Variants in KALRN observed in about 807,000 individuals in gnomAD.
The protein encoded by KALRN is kalirin RhoGEF kinase.
In KALRN, 70 loss-of-function variants were observed where a neutral mutation model predicts 353.7. That is an observed-to-expected ratio of 0.20 (90% CI 0.16 to 0.24). The LOEUF is 0.24. KALRN is among the 10% of genes least tolerant of loss of function. The pLI, the probability that KALRN is intolerant of heterozygous loss-of-function variation, is 1.00. For missense variants in KALRN, 2,791 were observed against 3,756.7 expected, an observed-to-expected ratio of 0.74 and a Z score of 6.72; for synonymous variants, 1,391 against 1,434.8, an observed-to-expected ratio of 0.97 and a Z score of 0.69.
At chr3:124,167,899 T>TA (rs756205956) in intron 1 of KALRN, among the ~76,000 whole-genome samples, 12 of 152,200 alleles carry the variant, frequency 7.9e-5, no homozygotes, top group Non-Finnish European at 1.8e-4. Flanking sequence ...ACAGAGCAGA[T>TA]ATGTGCATTT....
intron 1 of KALRN, among the ~76,000 whole-genome samples, chr3:124,040,974 C>G (rs1409359991): frequency 6.6e-6 from 1 of 152,130 alleles, no homozygotes. Context: ...GGTTTTGGGC[C>G]TTGGCTCTCT....
In KALRN at chr3:124,719,563, C is replaced by G. The variant is rs1294957144; in HGVS notation, c.*93C>G. On this transcript the variant is annotated 3_prime_UTR_variant, in exon 60 of 60. Coordinates refer to ENST00000682506, the MANE Select transcript of KALRN (RefSeq NM_001388419.1). The surrounding 1 kb of genome is among the most constrained non-coding windows in gnomAD (Gnocchi z 5.3). ...GTAAATAATTCTGTTCATCATTTCA[C>G]TCCGTGCAGTTCTCTGAATTGAGAG... is the stretch of plus-strand genomic sequence containing the variant. 6 of 1,213,942 alleles carry G rather than the reference C, an allele frequency of 4.9e-6. No homozygotes were observed. Among genetic ancestry groups the G allele is most frequent in the Non-Finnish European group, 6.9e-6 (6 of 866,840 alleles). The allele number at this position is 1,213,942 out of a possible 1,614,324, so 75.2% of individuals were successfully genotyped here. A position where few individuals can be genotyped will look rare whatever the true frequency, so the allele number is the denominator to read the frequency against.
At chr3:124,193,977 C>A (rs2075190768) in intron 1 of KALRN, among the ~76,000 whole-genome samples, 1 of 152,090 alleles carries the variant, frequency 6.6e-6, no homozygotes, top group Admixed American at 6.5e-5. Flanking sequence ...ATTCTGTACT[C>A]CAAAAAGAGT....
At chr3:124,540,694 C>A (rs1400524310) in intron 33 of KALRN, among the ~76,000 whole-genome samples, 1 of 152,178 alleles carries the variant, frequency 6.6e-6, no homozygotes, top group Non-Finnish European at 1.5e-5. Flanking sequence ...CATTTTCAGT[C>A]CAGAACTCTT....
intron 10 of KALRN, among the ~76,000 whole-genome samples, chr3:124,378,867 CTTTAT>C (rs1242604686): frequency 2.6e-5 from 4 of 151,434 alleles, no homozygotes; most frequent in Non-Finnish European, 5.9e-5. Context: ...TTTTTTGCCA[CTTTAT>C]TTTATTTTTA....
chr3:124,456,768 A>T (rs567066933), intron 23 of KALRN, 40 bp downstream of exon 23: 2 of 1,424,568 alleles, frequency 1.4e-6, no homozygotes, highest in African/African-American at 1.4e-5. Context: ...GCTCCCCGTG[A>T]CTATGCTGGG....
intron 9 of KALRN, among the ~76,000 whole-genome samples, chr3:124,338,390 T>G (rs1157409024): frequency 6.6e-6 from 1 of 152,228 alleles, no homozygotes; most frequent in Non-Finnish European, 1.5e-5. Flanking sequence ...AATTTCATTA[T>G]TTACCCAGTA....
At chr3:124,204,794 A>G (rs1272385718) in intron 1 of KALRN, among the ~76,000 whole-genome samples, 1 of 152,050 alleles carries the variant, frequency 6.6e-6, no homozygotes. Context: ...CTAAATCTCT[A>G]AGGTCTTTCT....
At chr3:124,123,275 C>A (rs2064249339) in intron 1 of KALRN, among the ~76,000 whole-genome samples, 2 of 150,994 alleles carry the variant, frequency 1.3e-5, no homozygotes, top group Non-Finnish European at 2.9e-5. Context: ...AGGAAAAATT[C>A]TTGACGGAAA....
In KALRN at chr3:124,188,346, A is replaced by G. The variant is rs952991098; in HGVS notation, c.74-39644A>G. 5.9e-5 allele frequency among the ~76,000 whole-genome samples: 9 copies of G among 152,196 alleles called. No homozygotes were observed. In the South Asian group the frequency reaches 1.9e-3, roughly 32 times the overall value. On this transcript the variant is annotated intron_variant, in intron 1 of 59. Coordinates refer to ENST00000682506, the MANE Select transcript of KALRN (RefSeq NM_001388419.1). The stretch of plus-strand genomic sequence containing the variant: ...GATGTGAACATTCCAGACAGCAAGA[A>G]AATAGTCATGAGGGGTGCGCAAGGG...
chr3:124,372,707 T>C (rs2086014083), intron 10 of KALRN, among the ~76,000 whole-genome samples: 1 of 152,242 alleles, frequency 6.6e-6, no homozygotes, highest in African/African-American at 2.4e-5. Context: ...TATCACAGTG[T>C]AGTGAACTAT....
chr3:124,276,033 C>T (rs2074688931), intron 5 of KALRN, among the ~76,000 whole-genome samples: 1 of 152,168 alleles, frequency 6.6e-6, no homozygotes, highest in Admixed American at 6.5e-5. Context: ...TCCCCATGCA[C>T]CCTCTACATC....
Position 124,033,924 on chromosome 3 carries a change from G to A in KALRN, c.73+111G>A, listed in dbSNP as rs115981921. ...GTTGCTGCCGCGTGCGTGTTGGGGG[G>A]CAGTGCCCCCTCGGCGTCGGGGCTG... On this transcript the variant is annotated intron_variant, in intron 1 of 59. Coordinates refer to ENST00000682506, the MANE Select transcript of KALRN (RefSeq NM_001388419.1). The surrounding 1 kb of genome is among the most constrained non-coding windows in gnomAD (Gnocchi z 6.2). Among the ~76,000 whole-genome samples, 6,873 of 152,272 alleles carry A rather than the reference G, an allele frequency of 0.045. 192 individuals carry two copies. Among genetic ancestry groups the A allele is most frequent in the Middle Eastern group, 0.071 (21 of 294 alleles).
At chr3:124,610,495 C>T (rs946210453) in intron 34 of KALRN, among the ~76,000 whole-genome samples, 1 of 152,054 alleles carries the variant, frequency 6.6e-6, no homozygotes, top group African/African-American at 2.4e-5. Flanking sequence ...TGTCTGATAC[C>T]TGGTCCTGGG....
intron 1 of KALRN, among the ~76,000 whole-genome samples, chr3:124,043,286 T>C (rs1247935576): frequency 6.6e-6 from 1 of 151,938 alleles, no homozygotes; most frequent in Non-Finnish European, 1.5e-5. Flanking sequence ...AAGGGAAGAT[T>C]AAAAATAGCA....
At chr3:124,519,888 T>G (rs1427163038) in intron 33 of KALRN, 15 of 985,154 alleles carry the variant, frequency 1.5e-5, no homozygotes, top group Non-Finnish European at 1.8e-5. Context: ...TACTTTCTGT[T>G]GAGTGCTGAG....
intron 13 of KALRN, among the ~76,000 whole-genome samples, chr3:124,412,724 C>T (rs556005019): frequency 2.6e-5 from 4 of 152,214 alleles, no homozygotes; most frequent in Non-Finnish European, 4.4e-5. Flanking sequence ...TCATTAGAAT[C>T]ATTAATGCCT....
intron 57 of KALRN, among the ~76,000 whole-genome samples, chr3:124,704,605 T>C (rs757494979): frequency 1.1e-4 from 17 of 152,164 alleles, no homozygotes; most frequent in Admixed American, 3.9e-4. Context: ...TTGAGTGCAG[T>C]GGCATGATCA....
intron 10 of KALRN, among the ~76,000 whole-genome samples, chr3:124,351,806 A>C (rs1342098027): frequency 6.6e-6 from 1 of 152,226 alleles, no homozygotes; most frequent in Admixed American, 6.5e-5. Context: ...CTCTTGAACA[A>C]ATTTTAAACA....
Sources: gnomAD v4.1 joint callset for allele counts (sites outside exome capture counted in the v4.1 genomes callset) on GRCh38, gnomAD v4.1.1 for gene constraint, Gnocchi (gnomAD v3.1) non-coding constraint, MANE v1.5 for transcripts, NCBI Gene and HGNC (gene_info 2026-07-23, HGNC 2026-07-21) for gene names.